The following ZNF695 variants were observed in gnomAD, a reference collection of about 807,000 sequenced individuals.
ZNF695 encodes the protein zinc finger protein SBZF3.
ZNF695 carries 11 observed loss-of-function variants against 11.2 expected under a neutral mutation model. That is an observed-to-expected ratio of 0.98 (90% CI 0.62 to 1.62). The LOEUF (loss-of-function observed/expected upper bound fraction) is 1.62, where lower values mean the gene tolerates loss of function less well. Ranked by LOEUF, ZNF695 falls within the 40% of genes most tolerant of loss-of-function variation. ZNF695 has a pLI of 0.00. For synonymous variants in ZNF695, 190 were observed against 201.4 expected, an observed-to-expected ratio of 0.94 and a Z score of 0.48; for missense variants, 559 against 590.5, an observed-to-expected ratio of 0.95 and a Z score of 0.55.
In ZNF695 at chr1:246,960,874, C is replaced by T. The variant is rs552707235; in HGVS notation, c.488+6821G>A. Among the ~76,000 whole-genome samples, 3 of 152,156 alleles carry T rather than the reference C, an allele frequency of 2.0e-5. No individual in the cohort carries two copies. In the East Asian group the frequency reaches 5.8e-4, roughly 29 times the overall value. On this transcript the variant is annotated intron_variant, in intron 5 of 5. Coordinates refer to the ZNF695 transcript ENST00000487338. ...CCTGAGCCTGGACTGGTTGAGATCA[C>T]GCCACTGCACTCCAGCCTGGGTGGA...
chr1:246,957,028 C>A (rs1169940130), intron 5 of ZNF695, among the ~76,000 whole-genome samples: 1 of 152,124 alleles, frequency 6.6e-6, no homozygotes, highest in African/African-American at 2.4e-5. Context: ...TTAGTATTAT[C>A]TGCATCTATA....
At position 246,986,168 on chromosome 1, in the gene ZNF695, A is replaced by C; in HGVS notation, c.*799T>G. On this transcript the variant is annotated 3_prime_UTR_variant, in exon 4 of 4. Transcript: ENST00000339986. ...CACTGCATCCTCAACCTCCAGGCTC[A>C]AGCAATCCTCCCACCTGAGCCTTCC... The C allele has an allele frequency of 1.7e-6, 1 of 580,004 alleles. No individual in the cohort carries two copies. Among genetic ancestry groups the C allele is most frequent in the Non-Finnish European group, 2.2e-6 (1 of 459,842 alleles). The allele number at this position is 580,004 out of a possible 1,614,324, so 35.9% of individuals were successfully genotyped here. A position where few individuals can be genotyped will look rare whatever the true frequency, so the allele number is the denominator to read the frequency against.
chr1:247,002,797 G>T (rs1180784011), intron 1 of ZNF695, among the ~76,000 whole-genome samples: 1 of 151,870 alleles, frequency 6.6e-6, no homozygotes, highest in Non-Finnish European at 1.5e-5. Context: ...AAAAAAGGGG[G>T]GGGCAGCAAA....
chr1:246,956,266 G>A (rs1437894704), intron 5 of ZNF695, among the ~76,000 whole-genome samples: 1 of 150,836 alleles, frequency 6.6e-6, no homozygotes, highest in East Asian at 2.0e-4. Flanking sequence ...GGGATTACAA[G>A]CATGAGCTAC....
chr1:247,002,309 TAAA>T (rs886503019), intron 1 of ZNF695, among the ~76,000 whole-genome samples: 1 of 150,994 alleles, frequency 6.6e-6, no homozygotes, highest in African/African-American at 2.4e-5. Flanking sequence ...TTGAAACTAA[TAAA>T]AAAAAAGATA....
intron 4 of ZNF695, among the ~76,000 whole-genome samples, chr1:246,972,423 T>C (rs972960671): frequency 6.6e-6 from 1 of 152,218 alleles, no homozygotes; most frequent in African/African-American, 2.4e-5. Context: ...GAAGTCTCTC[T>C]GGATCATCAC....
At chr1:247,001,401 TA>T (rs879583817) in intron 1 of ZNF695, among the ~76,000 whole-genome samples, 355 of 140,764 alleles carry the variant, frequency 2.5e-3, no homozygotes, top group Non-Finnish European at 2.4e-3. Context: ...GTCTCTGTTT[TA>T]AAAAAAAAAA....
intron 3 of ZNF695, among the ~76,000 whole-genome samples, chr1:246,998,748 A>G (rs1399170549): frequency 6.6e-6 from 1 of 152,198 alleles, no homozygotes; most frequent in Non-Finnish European, 1.5e-5. Context: ...CAGGTGGATC[A>G]TGAGGTCAGG....
intron 5 of ZNF695, among the ~76,000 whole-genome samples, chr1:246,965,744 G>C (rs1668274302): frequency 6.6e-6 from 1 of 151,848 alleles, no homozygotes; most frequent in Admixed American, 6.6e-5. Flanking sequence ...CTGGGTGACA[G>C]TGCAAAAAAC....
At chr1:246,989,599 T>C (rs1353279265) in intron 3 of ZNF695, among the ~76,000 whole-genome samples, 1 of 152,050 alleles carries the variant, frequency 6.6e-6, no homozygotes, top group Non-Finnish European at 1.5e-5. Context: ...AGTAACAAAA[T>C]GGCAGGATTA....
chr1:246,982,774 C>T (rs1313982799), downstream of ZNF695, among the ~76,000 whole-genome samples: 2 of 151,830 alleles, frequency 1.3e-5, no homozygotes, highest in African/African-American at 4.8e-5. Flanking sequence ...AGATCTCTAT[C>T]TATTTATATC....
chr1:246,998,706 G>A (rs992281531), intron 3 of ZNF695, among the ~76,000 whole-genome samples: 2 of 152,194 alleles, frequency 1.3e-5, no homozygotes, highest in South Asian at 2.1e-4. Context: ...GGTGGCTCAC[G>A]CCTGTAATCC....
In ZNF695 at chr1:246,999,831, A is replaced by C; in HGVS notation, c.166+81T>G. On this transcript the variant is annotated intron_variant, in intron 2 of 3. Coordinates refer to ENST00000339986, the MANE Select transcript of ZNF695 (RefSeq NM_020394.5). ...CCAAGAAATCCCCAAGGTTTTCTTG[A>C]AAGCAGTGATGTGAAACTCATTCAT... 5 of 1,404,968 alleles carry C rather than the reference A, an allele frequency of 3.6e-6. No homozygotes were observed. The South Asian group carries it at 6.3e-5, about 18-fold the overall frequency. 87.0% of individuals were successfully genotyped at this position (1,404,968 alleles called of 1,614,324 possible).
At chr1:246,976,797 T>A (rs146570991) in intron 4 of ZNF695, among the ~76,000 whole-genome samples, 2,305 of 151,450 alleles carry the variant, frequency 0.015, 59 homozygotes, top group African/African-American at 0.052. Context: ...CCGTCTCAAA[T>A]AAATAAATAA....
chr1:246,959,766 T>C (rs1276420214), intron 5 of ZNF695, among the ~76,000 whole-genome samples: 1 of 152,138 alleles, frequency 6.6e-6, no homozygotes, highest in African/African-American at 2.4e-5. Context: ...ATTGAGCTTG[T>C]CACTTTTTCT....
chr1:246,964,766 G>A (rs1383178091), intron 5 of ZNF695, among the ~76,000 whole-genome samples: 1 of 152,142 alleles, frequency 6.6e-6, no homozygotes, highest in Non-Finnish European at 1.5e-5. Flanking sequence ...AGCTACTCAG[G>A]AAGCTGAGGC....
intron 5 of ZNF695, among the ~76,000 whole-genome samples, chr1:246,953,938 A>G (rs1207262374): frequency 6.6e-6 from 1 of 150,700 alleles, no homozygotes; most frequent in Admixed American, 6.6e-5. Flanking sequence ...CAAACAAACA[A>G]ACAAGCAAAA....
At chr1:246,957,375 T>C (rs530536032) in intron 5 of ZNF695, among the ~76,000 whole-genome samples, 2 of 145,110 alleles carry the variant, frequency 1.4e-5, no homozygotes, top group Non-Finnish European at 3.0e-5. Flanking sequence ...ACAGCGAAAC[T>C]CCGTCTAAAA....
rs566025356 is a variant in ZNF695, at chr1:246,985,341, T to G, written c.*1626A>C. The G allele has an allele frequency of 2.0e-6, 2 of 982,490 alleles. No homozygotes were observed. Among genetic ancestry groups the G allele is most frequent in the East Asian group, 2.3e-4 (2 of 8,794 alleles). 60.9% of individuals were successfully genotyped at this position (982,490 alleles called of 1,614,324 possible). On this transcript the variant is annotated 3_prime_UTR_variant, in exon 4 of 4. Coordinates refer to ENST00000339986, the MANE Select transcript of ZNF695 (RefSeq NM_020394.5). Reference sequence around the variant, plus strand: ...CACGGTCTTTGATTATAATCCTATATAGGCTTTATTATAGCCTTAATAATG... The same window carrying G: ...CACGGTCTTTGATTATAATCCTATAGAGGCTTTATTATAGCCTTAATAATG...
Sources: allele counts gnomAD v4.1 joint callset (sites outside exome capture counted in the v4.1 genomes callset), GRCh38; gene constraint gnomAD v4.1.1; transcripts MANE v1.5; gene names NCBI Gene and HGNC (gene_info 2026-07-23, HGNC 2026-07-21).